NSMCE2: variants seen among roughly 807,000 people sequenced by gnomAD.
NSMCE2 encodes the protein NSE2 SUMO ligase component of SMC5/6 complex.
In NSMCE2, 24 loss-of-function variants were observed where a neutral mutation model predicts 23.8. The ratio of observed to expected loss-of-function variants is 1.01; its 90% CI spans 0.73 to 1.42. The LOEUF (loss-of-function observed/expected upper bound fraction) is 1.42. Among genes scored for constraint, NSMCE2 ranks in the 40% most tolerant of loss-of-function variants. The probability of loss-of-function intolerance (pLI) is 0.00; values close to 1 mark genes in which losing one functional copy is unlikely to be tolerated. For synonymous variants in NSMCE2, 92 were observed against 94.1 expected (o/e 0.98, Z 0.13); for missense variants, 284 against 296.5 (o/e 0.96, Z 0.31).
chr8:125,366,970 G>C lies in NSMCE2; in HGVS notation c.*85G>C. 1 of 748,024 alleles carries C rather than the reference G, an allele frequency of 1.3e-6. No individual in the cohort carries two copies. Among genetic ancestry groups the C allele is most frequent in the Non-Finnish European group, 2.4e-6 (1 of 421,864 alleles). The allele number at this position is 748,024 out of a possible 1,614,324, so 46.3% of individuals were successfully genotyped here. A position where few individuals can be genotyped will look rare whatever the true frequency, so the allele number is the denominator to read the frequency against. Reference sequence around the variant, plus strand: ...AGAGCAGTGCTGACCCCAGCAGTTAGGGACTGGCTGCATAGCATACTTGTT... The same window carrying C: ...AGAGCAGTGCTGACCCCAGCAGTTACGGACTGGCTGCATAGCATACTTGTT... On this transcript the variant is annotated 3_prime_UTR_variant, in exon 8 of 8. Coordinates refer to ENST00000287437, the MANE Select transcript of NSMCE2 (RefSeq NM_173685.4).
chr8:125,201,177 C>G (rs1277513891), intron 5 of NSMCE2, among the ~76,000 whole-genome samples: 1 of 152,202 alleles, frequency 6.6e-6, no homozygotes, highest in East Asian at 1.9e-4. Context: ...TCTGTCAACT[C>G]GTCAAAGTCA....
At chr8:125,164,370 G>A (rs907531430) in intron 4 of NSMCE2, among the ~76,000 whole-genome samples, 1 of 152,242 alleles carries the variant, frequency 6.6e-6, no homozygotes, top group East Asian at 1.9e-4. Flanking sequence ...TCTGTTTCAA[G>A]ATGGATGCTA....
At chr8:125,297,476 C>T (rs1181333741) in intron 5 of NSMCE2, among the ~76,000 whole-genome samples, 1 of 152,118 alleles carries the variant, frequency 6.6e-6, no homozygotes, top group Non-Finnish European at 1.5e-5. Context: ...CAAATGTTGT[C>T]TTCTTTAAGG....
chr8:125,259,414 G>A (rs1826586083), intron 5 of NSMCE2, among the ~76,000 whole-genome samples: 1 of 152,186 alleles, frequency 6.6e-6, no homozygotes, highest in South Asian at 2.1e-4. Context: ...TCTGATAGAA[G>A]CATGAGCCCT....
At chr8:125,347,707 T>C (rs557185387) in intron 5 of NSMCE2, among the ~76,000 whole-genome samples, 1 of 152,308 alleles carries the variant, frequency 6.6e-6, no homozygotes, top group East Asian at 1.9e-4. Flanking sequence ...AGTGTGGGTA[T>C]AGACAGTGGA....
At chr8:125,210,982 C>T (rs576509145) in intron 5 of NSMCE2, among the ~76,000 whole-genome samples, 1 of 152,280 alleles carries the variant, frequency 6.6e-6, no homozygotes, top group South Asian at 2.1e-4. Flanking sequence ...ATTCACCTGC[C>T]TTGGCCTCCC....
intron 3 of NSMCE2, among the ~76,000 whole-genome samples, chr8:125,132,820 A>T (rs1030695783): frequency 3.3e-5 from 5 of 152,186 alleles, no homozygotes; most frequent in Admixed American, 2.0e-4. Context: ...TTAAAAATGG[A>T]TACAATACTT....
chr8:125,122,452 A>G lies in NSMCE2; in HGVS notation c.157+19965A>G, dbSNP rs546859189. 9.2e-5 allele frequency among the ~76,000 whole-genome samples: 14 copies of G among 152,274 alleles called. No individual in the cohort carries two copies. In the East Asian group the frequency reaches 2.7e-3, roughly 29 times the overall value. On this transcript the variant is annotated intron_variant, in intron 3 of 7. Coordinates refer to ENST00000287437, the MANE Select transcript of NSMCE2 (RefSeq NM_173685.4). Reference sequence around the variant, plus strand: ...CAGAAGGTGCATGATGTCACTGGCTATATCCCCTTATACTCTATATACTCC... The same window carrying G: ...CAGAAGGTGCATGATGTCACTGGCTGTATCCCCTTATACTCTATATACTCC...
intron 5 of NSMCE2, among the ~76,000 whole-genome samples, chr8:125,196,384 T>C (rs1186379143): frequency 6.6e-6 from 1 of 152,056 alleles, no homozygotes; most frequent in East Asian, 1.9e-4. Context: ...CCGTGGTGTG[T>C]GATGTTCCCC....
At chr8:125,363,449 T>C (rs1422328853) in intron 7 of NSMCE2, 1 of 149,630 alleles carries the variant, frequency 6.7e-6, no homozygotes, top group Admixed American at 6.8e-5. Flanking sequence ...GAGGTCACAG[T>C]AAGCAGAGAT....
At chr8:125,252,519 CTG>C (rs1716978388) in intron 5 of NSMCE2, among the ~76,000 whole-genome samples, 1 of 152,138 alleles carries the variant, frequency 6.6e-6, no homozygotes, top group Non-Finnish European at 1.5e-5. Context: ...GAGCGAGACT[CTG>C]TCTCAAAAAA....
intron 5 of NSMCE2, among the ~76,000 whole-genome samples, chr8:125,237,327 C>T (rs531121492): frequency 7.9e-5 from 12 of 152,332 alleles, no homozygotes; most frequent in African/African-American, 2.9e-4. Flanking sequence ...ATCTTAAACA[C>T]ACTCACACAG....
chr8:125,256,654 G>C (rs114453877), intron 5 of NSMCE2, among the ~76,000 whole-genome samples: 1 of 152,044 alleles, frequency 6.6e-6, no homozygotes, highest in African/African-American at 2.4e-5. Context: ...TGTTGGGTGC[G>C]GTGGCTCACG....
chr8:125,312,726 C>G (rs1829018142), intron 5 of NSMCE2, among the ~76,000 whole-genome samples: 1 of 152,274 alleles, frequency 6.6e-6, no homozygotes, highest in South Asian at 2.1e-4. Context: ...CTCAACAGGG[C>G]AAAAGGCAAG....
At chr8:125,182,703 T>C (rs771970732) in intron 5 of NSMCE2, 34 of 178,908 alleles carry the variant, frequency 1.9e-4, no homozygotes, top group Admixed American at 3.8e-4. Flanking sequence ...TTCTCAACTA[T>C]AGACCAAAAT....
In NSMCE2 at chr8:125,158,903, G is replaced by A. The variant is rs557697251; in HGVS notation, c.264+7626G>A. ...GTGTAAAATGAATGCATTTTTCAGC[G>A]TGGAGTTGAAAGCACAGTAGTCACT... On this transcript the variant is annotated intron_variant, in intron 4 of 7. Coordinates refer to ENST00000287437, the MANE Select transcript of NSMCE2 (RefSeq NM_173685.4). 1.2e-4 allele frequency among the ~76,000 whole-genome samples: 18 copies of A among 152,320 alleles called. No homozygotes were observed. The South Asian group carries it at 3.7e-3, about 32-fold the overall frequency.
At chr8:125,324,423 T>C (rs939704436) in intron 5 of NSMCE2, among the ~76,000 whole-genome samples, 24 of 125,560 alleles carry the variant, frequency 1.9e-4, no homozygotes, top group Non-Finnish European at 3.6e-4. Flanking sequence ...CCGTAACTGA[T>C]AAATGAATAG....
At chr8:125,307,543 C>T (rs1828814051) in intron 5 of NSMCE2, among the ~76,000 whole-genome samples, 1 of 152,208 alleles carries the variant, frequency 6.6e-6, no homozygotes, top group Admixed American at 6.5e-5. Flanking sequence ...ACAGATTTTA[C>T]ACCTTGTTGT....
At chr8:125,106,684 C>G (rs1278862335) in intron 3 of NSMCE2, among the ~76,000 whole-genome samples, 7 of 132,148 alleles carry the variant, frequency 5.3e-5, no homozygotes, top group Non-Finnish European at 9.8e-5. Context: ...GACTCCATCT[C>G]AAAAAAAAAA....
Sources: allele counts gnomAD v4.1 joint callset (sites outside exome capture counted in the v4.1 genomes callset), GRCh38; gene constraint gnomAD v4.1.1; transcripts MANE v1.5; gene names NCBI Gene and HGNC (gene_info 2026-07-23, HGNC 2026-07-21).